RNASET2: variants seen among roughly 807,000 people sequenced by gnomAD.
RNASET2 encodes ribonuclease 6.
In RNASET2, 28 loss-of-function variants were observed where a neutral mutation model predicts 33.9. The observed-to-expected ratio is 0.83, with a 90% CI of 0.61 to 1.13. The LOEUF (loss-of-function observed/expected upper bound fraction) is 1.13, where lower values mean the gene tolerates loss of function less well. Among genes scored for constraint, RNASET2 ranks in the 50% most tolerant of loss-of-function variants. The probability of loss-of-function intolerance (pLI) is 0.00; values close to 1 mark genes in which losing one functional copy is unlikely to be tolerated. For missense variants in RNASET2, 330 were observed against 319.9 expected (o/e 1.03, Z -0.24); for synonymous variants, 123 against 121.0 (o/e 1.02, Z -0.11).
chr6:166,955,863 G>T, intron 1 of RNASET2: 1 of 796,648 alleles, frequency 1.3e-6, no homozygotes, highest in Non-Finnish European at 1.5e-6. Flanking sequence ...GGTCACTTCT[G>T]AGTGTGCTAA....
rs372938195 is a variant in RNASET2 at position 166,938,875 on chromosome 6, C to T, written c.446+20G>A. 4.9e-5 allele frequency: 76 copies of T among 1,550,940 alleles called. No homozygotes were observed. Among genetic ancestry groups the T allele is most frequent in the Middle Eastern group, 3.3e-4 (2 of 5,972 alleles). ...AGAGATCCCCACTGGGAAGTGCAGCCGGGGGAAGGGCGCACCCACCTGTTG... is the reference window on the plus strand; with the variant it reads ...AGAGATCCCCACTGGGAAGTGCAGCTGGGGGAAGGGCGCACCCACCTGTTG... On this transcript the variant is annotated intron_variant, in intron 6 of 8. Transcript: ENST00000508775.
At chr6:166,948,515 G>A (rs1778903312) in intron 3 of RNASET2, 55 bp downstream of exon 3, 4 of 1,050,826 alleles carry the variant, frequency 3.8e-6, no homozygotes, top group Non-Finnish European at 6.0e-6. Flanking sequence ...TTCAAGCTAG[G>A]GTTCCCAGTC....
intron 1 of RNASET2, among the ~76,000 whole-genome samples, chr6:166,955,227 A>ACACGCGCACG (rs1779091302): frequency 1.7e-5 from 1 of 58,492 alleles, no homozygotes; most frequent in African/African-American, 9.8e-5. Flanking sequence ...ACACGCGCAC[A>ACACGCGCACG]CACGCACGCA....
chr6:166,952,622 T>C, intron 1 of RNASET2, 74 bp from the exon 2 acceptor site: 2 of 1,117,986 alleles, frequency 1.8e-6, no homozygotes. Flanking sequence ...CACCCATCCA[T>C]CCCTTCAATC....
chr6:166,931,183 T>C, intron 7 of RNASET2, 65 bp from the exon 8 acceptor site: 2 of 1,166,664 alleles, frequency 1.7e-6, no homozygotes, highest in South Asian at 2.4e-5. Flanking sequence ...AGTTCTGGAC[T>C]ATCCTGAGCG....
At chr6:166,930,896 G>GCA (rs1216331013) in intron 8 of RNASET2, 148 bp downstream of exon 8, 27 of 711,982 alleles carry the variant, frequency 3.8e-5, no homozygotes, top group East Asian at 5.2e-5. Flanking sequence ...ACACACACAT[G>GCA]CACACACACA....
chr6:166,940,079 A>G (rs1486178298), intron 5 of RNASET2, among the ~76,000 whole-genome samples: 3 of 152,172 alleles, frequency 2.0e-5, no homozygotes, highest in Non-Finnish European at 4.4e-5. Flanking sequence ...CGCCCTTCCC[A>G]CTGCACTGGG....
rs58837223 is a variant in RNASET2, at chr6:166,927,713, C to CAAAAAAA, written c.*1868_*1874dup. Among the ~76,000 whole-genome samples the CAAAAAAA allele has an allele frequency of 0.015, 712 of 47,278 alleles. 45 individuals carry two copies. The highest frequency in any genetic ancestry group is 0.048 in the African/African-American group (563 of 11,634). The allele number at this position is 47,278 out of a possible 152,430, so 31.0% of individuals were successfully genotyped here. On this transcript the variant is annotated 3_prime_UTR_variant, in exon 9 of 9. Coordinates refer to ENST00000508775, the MANE Select transcript of RNASET2 (RefSeq NM_003730.6). The stretch of plus-strand genomic sequence containing the variant: ...TGATCCCTGTGTTCGCAAAATGACT[C>CAAAAAAA]AAAAAAAAAAAAAAAAAAAAAAAGA...
intron 6 of RNASET2, among the ~76,000 whole-genome samples, chr6:166,937,529 C>A (rs1205129424): frequency 6.6e-6 from 1 of 152,186 alleles, no homozygotes; most frequent in African/African-American, 2.4e-5. Context: ...GCAATGCTTC[C>A]TTTATTAAAA....
At position 166,956,306 on chromosome 6, in the gene RNASET2, G is replaced by T; in HGVS notation, c.-124C>A. The stretch of plus-strand genomic sequence containing the variant: ...GCCCCCGCGCCGCCGCGCTCCCTCC[G>T]CTGCAGCAGCGGCCACCGGGTGCGC... On this transcript the variant is annotated 5_prime_UTR_variant, in exon 1 of 9. Coordinates refer to ENST00000508775, the MANE Select transcript of RNASET2 (RefSeq NM_003730.6). 1.0e-6 allele frequency: 1 copy of T among 955,368 alleles called. No individual in the cohort carries two copies. The highest frequency in any genetic ancestry group is 1.6e-6 in the Non-Finnish European group (1 of 614,608). The allele number at this position is 955,368 out of a possible 1,614,324, so 59.2% of individuals were successfully genotyped here.
intron 7 of RNASET2, 174 bp from the exon 8 acceptor site, chr6:166,931,292 G>A (rs1414334932): frequency 1.6e-6 from 1 of 640,274 alleles, no homozygotes; most frequent in Non-Finnish European, 2.8e-6. Context: ...AGCAGAGGAT[G>A]CTGTCAACCT....
In RNASET2 at chr6:166,924,394, C is replaced by T. The variant is rs574543317; in HGVS notation, c.*5194G>A. On this transcript the variant is annotated 3_prime_UTR_variant, in exon 9 of 9. Coordinates refer to ENST00000508775, the MANE Select transcript of RNASET2 (RefSeq NM_003730.6). ...TATTACAGGCATGAGCCACCACGCC[C>T]GGCCTCTCTTTTCTATTTTATTCAT... is the stretch of plus-strand genomic sequence containing the variant. Among the ~76,000 whole-genome samples the T allele has an allele frequency of 5.9e-5, 9 of 152,274 alleles. No individual in the cohort carries two copies. In the East Asian group the frequency reaches 9.6e-4, roughly 16 times the overall value.
In RNASET2 at chr6:166,927,023, C is replaced by G. The variant is rs142686371; in HGVS notation, c.*2565G>C. On this transcript the variant is annotated 3_prime_UTR_variant, in exon 9 of 9. Coordinates refer to ENST00000508775, the MANE Select transcript of RNASET2 (RefSeq NM_003730.6). ...TGGCCTGCTCCTCCTTCCACACATACGAGCCTGAGACCCCGCTCACATGGG... is the reference window on the plus strand; with the variant it reads ...TGGCCTGCTCCTCCTTCCACACATAGGAGCCTGAGACCCCGCTCACATGGG... Among the ~76,000 whole-genome samples the G allele has an allele frequency of 6.6e-6, 1 of 152,178 alleles. No homozygotes were observed. The highest frequency in any genetic ancestry group is 1.9e-4 in the East Asian group (1 of 5,198).
chr6:166,943,777 G>C (rs1366387007), intron 4 of RNASET2: 2 of 470,092 alleles, frequency 4.3e-6, no homozygotes, highest in Middle Eastern at 3.3e-4. Flanking sequence ...AGGGGGAAGG[G>C]AGTGAACTGT....
At chr6:166,930,816 G>A (rs1275089910) in intron 8 of RNASET2, among the ~76,000 whole-genome samples, 1 of 135,996 alleles carries the variant, frequency 7.4e-6, no homozygotes, top group Non-Finnish European at 1.5e-5. Flanking sequence ...ACACACACAT[G>A]CACACATAGC....
chr6:166,932,816 T>C (rs963850456), intron 7 of RNASET2: 2 of 152,162 alleles, frequency 1.3e-5, no homozygotes, highest in African/African-American at 4.8e-5. Context: ...TGGGCAAACA[T>C]GGCAGGCACA....
intron 3 of RNASET2, chr6:166,946,986 A>G (rs1778862785): frequency 3.7e-6 from 2 of 537,478 alleles, no homozygotes; most frequent in South Asian, 3.9e-5. Context: ...CAGACAGGCC[A>G]CTGCTTAGTA....
intron 2 of RNASET2, among the ~76,000 whole-genome samples, chr6:166,949,328 CTG>C (rs1778926719): frequency 6.6e-6 from 1 of 151,266 alleles, no homozygotes; most frequent in South Asian, 2.1e-4. Flanking sequence ...CTGTGAAACC[CTG>C]TCTCTACTAA....
At position 166,922,336 on chromosome 6, in the gene RNASET2, T is replaced by G. The variant is rs569629367; in HGVS notation, c.*7252A>C. Reference sequence around the variant, plus strand: ...CGTTGGTGTTTGCCTGATAATATCTTACACCTCATCTCTCATCATCAGCAA... The same window carrying G: ...CGTTGGTGTTTGCCTGATAATATCTGACACCTCATCTCTCATCATCAGCAA... On this transcript the variant is annotated 3_prime_UTR_variant, in exon 9 of 9. Transcript: ENST00000508775. Among the ~76,000 whole-genome samples the G allele has an allele frequency of 6.6e-6, 1 of 152,200 alleles. No individual in the cohort carries two copies. Among genetic ancestry groups the G allele is most frequent in the African/African-American group, 2.4e-5 (1 of 41,450 alleles).
Sources: gnomAD v4.1 joint callset for allele counts (sites outside exome capture counted in the v4.1 genomes callset) on GRCh38, gnomAD v4.1.1 for gene constraint, MANE v1.5 for transcripts, NCBI Gene and HGNC (gene_info 2026-07-23, HGNC 2026-07-21) for gene names.